Variants in ZNF536 observed in about 807,000 individuals in gnomAD.
The protein encoded by ZNF536 is zinc finger protein 536.
Under a neutral mutation model 84.5 loss-of-function variants are expected in ZNF536, and 13 were observed. The ratio of observed to expected loss-of-function variants is 0.15; its 90% CI spans 0.10 to 0.24. ZNF536 has a LOEUF of 0.24. Ranked by LOEUF, ZNF536 falls within the 10% of genes least tolerant of loss-of-function variation. The pLI is 1.00. For missense variants in ZNF536, 1,536 were observed against 1,747.5 expected, an observed-to-expected ratio of 0.88 and a Z score of 2.16; for synonymous variants, 811 against 742.5, an observed-to-expected ratio of 1.09 and a Z score of -1.50.
At chr19:30,414,253 C>A (rs1024499886) in intron 1 of ZNF536, among the ~76,000 whole-genome samples, 1 of 151,886 alleles carries the variant, frequency 6.6e-6, no homozygotes, top group Non-Finnish European at 1.5e-5. Flanking sequence ...TTATGTGAAA[C>A]TGGTTCTCAC....
At chr19:30,441,720 C>T (rs2052058059) in intron 1 of ZNF536, among the ~76,000 whole-genome samples, 2 of 152,230 alleles carry the variant, frequency 1.3e-5, no homozygotes, top group South Asian at 4.1e-4. Context: ...TGGCAAGTGC[C>T]CATGCACCTT....
upstream of ZNF536, among the ~76,000 whole-genome samples, chr19:30,228,035 T>TGTGC (rs970687831): frequency 2.4e-4 from 37 of 151,830 alleles, no homozygotes; most frequent in Middle Eastern, 3.4e-3. The surrounding 1 kb of genome is among the most constrained non-coding windows in gnomAD (Gnocchi z 4.5). Flanking sequence ...TGGGGTGGGG[T>TGTGC]GTGCGTGCGT....
At chr19:30,679,195 G>A (rs2050871689) in intron 1 of ZNF536, among the ~76,000 whole-genome samples, 1 of 152,184 alleles carries the variant, frequency 6.6e-6, no homozygotes, top group Admixed American at 6.5e-5. Context: ...CCATATCCAG[G>A]CACCAGCCCG....
In ZNF536 at chr19:30,444,137, T is replaced by G; in HGVS notation, c.575T>G (p.Val192Gly). The G allele has an allele frequency of 1.2e-6, 2 of 1,605,790 alleles. No homozygotes were observed. Among genetic ancestry groups the G allele is most frequent in the Non-Finnish European group, 1.7e-6 (2 of 1,176,660 alleles). ...LGNLGKGRGR[V>G]REENRLLHEL... ...AACCTGGGCAAGGGGCGTGGGCGTG[T>G]GCGCGAGGAGAACCGCCTGCTGCAC... The change falls in exon 2 of 5, where the codon GTG becomes GGG. Residue 192 changes from valine (V) to glycine (G), a missense_variant. Physicochemically the swap from Val to Gly is moderately radical, Grantham distance 109 (BLOSUM62 -3). Transcript: ENST00000355537.
At chr19:30,361,177 A>C (rs6510150) in intron 3 of ZNF536, among the ~76,000 whole-genome samples, 171 of 152,220 alleles carry the variant, frequency 1.1e-3, no homozygotes, top group African/African-American at 4.0e-3. Context: ...ACCAAAAAAA[A>C]AGGGGACTTG....
chr19:30,645,614 T>C (rs1479952279), intron 1 of ZNF536, among the ~76,000 whole-genome samples: 2 of 152,230 alleles, frequency 1.3e-5, no homozygotes, highest in Non-Finnish European at 1.5e-5. Flanking sequence ...TAATGAATGA[T>C]GTAAAAGGTA....
intron 1 of ZNF536, among the ~76,000 whole-genome samples, chr19:30,636,235 T>A (rs2049060202): frequency 6.6e-6 from 1 of 152,038 alleles, no homozygotes; most frequent in Non-Finnish European, 1.5e-5. Context: ...ATGAGGGAAA[T>A]GAGATAACCA....
At chr19:30,628,102 G>A (rs894694811) in intron 1 of ZNF536, among the ~76,000 whole-genome samples, 4 of 152,198 alleles carry the variant, frequency 2.6e-5, no homozygotes, top group Non-Finnish European at 5.9e-5. Context: ...GCACGAGGGT[G>A]CCCCAGACAG....
Position 30,304,616 on chromosome 19 carries a change from C to T in ZNF536, c.-120+20475C>T, listed in dbSNP as rs796601751. 2.6e-4 allele frequency among the ~76,000 whole-genome samples: 40 copies of T among 152,302 alleles called. 1 individual carries two copies. Among genetic ancestry groups the T allele is most frequent in the African/African-American group, 9.1e-4 (38 of 41,552 alleles). The stretch of plus-strand genomic sequence containing the variant: ...GTTAGTGAGTTATGTGACCCAGAGC[C>T]GGCTGCTCTGGGGGCAGTTGGGGCC... On this transcript the variant is annotated intron_variant, in intron 2 of 5. Coordinates refer to the ZNF536 transcript ENST00000585628.
At chr19:30,349,400 G>T (rs2047856872) in intron 2 of ZNF536, among the ~76,000 whole-genome samples, 1 of 152,164 alleles carries the variant, frequency 6.6e-6, no homozygotes, top group Admixed American at 6.5e-5. Context: ...GGTGGAAAAT[G>T]TTCCTGCCTT....
intron 2 of ZNF536, among the ~76,000 whole-genome samples, chr19:30,473,062 C>T (rs533813814): frequency 4.7e-5 from 7 of 150,360 alleles, no homozygotes; most frequent in South Asian, 4.2e-4. Flanking sequence ...AAAAATTAGC[C>T]GGGCGTGGTG....
chr19:30,443,700 C>T lies in ZNF536; in HGVS notation c.138C>T (p.Ala46=), dbSNP rs1162506647. Residue 46 remains alanine (A), a synonymous_variant, in exon 2 of 5, where the codon GCC becomes GCT. Transcript: ENST00000355537. ...AGATCACCTCCCAGCTCAGCCATGC[C>T]TTCCCCGAGCTCCATCCCCGGCCCA... ...LHQITSQLSH[A]FPELHPRPNP... is the part of the protein sequence containing the mutation. 6.2e-6 allele frequency: 10 copies of T among 1,613,718 alleles called. No individual in the cohort carries two copies. Among genetic ancestry groups the T allele is most frequent in the Non-Finnish European group, 7.6e-6 (9 of 1,179,958 alleles).
At chr19:30,367,184 T>C (rs1371426625) in intron 3 of ZNF536, among the ~76,000 whole-genome samples, 2 of 152,168 alleles carry the variant, frequency 1.3e-5, no homozygotes, top group East Asian at 1.9e-4. Flanking sequence ...CTCCGCCACA[T>C]CCCTTCTGCT....
At chr19:30,522,963 T>C (rs2044424105) in intron 2 of ZNF536, among the ~76,000 whole-genome samples, 1 of 152,222 alleles carries the variant, frequency 6.6e-6, no homozygotes, top group African/African-American at 2.4e-5. Context: ...TTAAAGATTG[T>C]CATCTATGCG....
intron 3 of ZNF536, among the ~76,000 whole-genome samples, chr19:30,546,169 T>G (rs1399642472): frequency 6.6e-6 from 1 of 152,226 alleles, no homozygotes; most frequent in Non-Finnish European, 1.5e-5. Flanking sequence ...CAGCCTGGCC[T>G]GCGATGGGAT....
At chr19:30,310,206 G>C (rs768224252) in intron 2 of ZNF536, among the ~76,000 whole-genome samples, 1 of 152,198 alleles carries the variant, frequency 6.6e-6, no homozygotes, top group Non-Finnish European at 1.5e-5. Flanking sequence ...CCAGCCCCGC[G>C]TTATAAAAAC....
chr19:30,462,832 GT>G (rs113911550), intron 2 of ZNF536, among the ~76,000 whole-genome samples: 5,748 of 109,130 alleles, frequency 0.053, 221 homozygotes, highest in East Asian at 0.085. Flanking sequence ...GAATGGAATG[GT>G]GTGAGTGTTG....
intron 1 of ZNF536, among the ~76,000 whole-genome samples, chr19:30,425,666 T>C (rs1782013849): frequency 6.6e-6 from 1 of 152,122 alleles, no homozygotes; most frequent in African/African-American, 2.4e-5. Flanking sequence ...TGTAGCTCCC[T>C]GGCAAGCCCT....
chr19:30,686,219 C>T (rs1383441393), intron 1 of ZNF536, among the ~76,000 whole-genome samples: 1 of 152,096 alleles, frequency 6.6e-6, no homozygotes, highest in Non-Finnish European at 1.5e-5. Context: ...GCTCATTCTG[C>T]AGTAGCAGCG....
Sources: allele counts gnomAD v4.1 joint callset (sites outside exome capture counted in the v4.1 genomes callset), GRCh38; gene constraint gnomAD v4.1.1; non-coding constraint Gnocchi (gnomAD v3.1); transcripts MANE v1.5; gene names NCBI Gene and HGNC (gene_info 2026-07-23, HGNC 2026-07-21).